The following ATXN1 variants were observed in gnomAD, a reference collection of about 807,000 sequenced individuals.
ATXN1 encodes the protein ataxin 1.
A neutral mutation model predicts 56.4 loss-of-function variants in ATXN1; 8 were observed. The observed-to-expected ratio is 0.14, with a 90% CI of 0.08 to 0.26. ATXN1 has a LOEUF of 0.26. ATXN1 is among the 10% of genes least tolerant of loss of function. The probability of loss-of-function intolerance (pLI) is 1.00; values close to 1 mark genes in which losing one functional copy is unlikely to be tolerated. For synonymous variants in ATXN1, 514 were observed against 494.6 expected (o/e 1.04, Z -0.52); for missense variants, 987 against 1,106.5 (o/e 0.89, Z 1.53).
At chr6:16,470,435 A>G (rs1760194949) in intron 6 of ATXN1, among the ~76,000 whole-genome samples, 2 of 152,330 alleles carry the variant, frequency 1.3e-5, no homozygotes, top group South Asian at 4.1e-4. Context: ...ATGTACAACT[A>G]TACACTTAAA....
chr6:16,713,129 G>A (rs1759561916), intron 2 of ATXN1, among the ~76,000 whole-genome samples: 1 of 152,180 alleles, frequency 6.6e-6, no homozygotes, highest in African/African-American at 2.4e-5. Context: ...GGCTGAAAAA[G>A]TAGATGCCAT....
chr6:16,715,812 G>A (rs1759627112), intron 2 of ATXN1, among the ~76,000 whole-genome samples: 2 of 152,142 alleles, frequency 1.3e-5, no homozygotes, highest in Admixed American at 1.3e-4. Context: ...AATGCCGTAA[G>A]TTTCCCAGTT....
At chr6:16,521,426 C>A (rs1477889725) in intron 5 of ATXN1, among the ~76,000 whole-genome samples, 2 of 152,178 alleles carry the variant, frequency 1.3e-5, no homozygotes, top group Non-Finnish European at 2.9e-5. Context: ...GGCATGGTGG[C>A]AGGCACCTGT....
At chr6:16,378,504 C>T (rs1581723941) in intron 6 of ATXN1, among the ~76,000 whole-genome samples, 1 of 152,110 alleles carries the variant, frequency 6.6e-6, no homozygotes, top group East Asian at 1.9e-4. Context: ...ATGAACAGTG[C>T]TCTTCCATTA....
intron 6 of ATXN1, among the ~76,000 whole-genome samples, chr6:16,340,269 T>C (rs934640143): frequency 6.6e-6 from 1 of 152,232 alleles, no homozygotes; most frequent in African/African-American, 2.4e-5. Flanking sequence ...GAGGAACTAA[T>C]AATGAAAGAT....
At chr6:16,672,437 G>C (rs559970433) in intron 2 of ATXN1, among the ~76,000 whole-genome samples, 1 of 152,272 alleles carries the variant, frequency 6.6e-6, no homozygotes, top group East Asian at 1.9e-4. Context: ...GTCTGTGGTA[G>C]GCACAACAAG....
intron 2 of ATXN1, among the ~76,000 whole-genome samples, chr6:16,661,053 G>T (rs1758310017): frequency 6.6e-6 from 1 of 151,604 alleles, no homozygotes; most frequent in African/African-American, 2.4e-5. Context: ...TGGCCAGGCT[G>T]GTCTTGAACT....
intron 2 of ATXN1, among the ~76,000 whole-genome samples, chr6:16,732,589 A>G (rs1760016011): frequency 6.6e-6 from 1 of 152,102 alleles, no homozygotes; most frequent in Admixed American, 6.6e-5. Context: ...ACAAAAAAAA[A>G]TCACTCCATT....
intron 6 of ATXN1, among the ~76,000 whole-genome samples, chr6:16,446,390 T>C (rs1581768431): frequency 6.6e-6 from 1 of 152,222 alleles, no homozygotes; most frequent in African/African-American, 2.4e-5. Context: ...CTTTGGTAAT[T>C]TGGCAGTGTT....
At chr6:16,351,911 G>A (rs1176258613) in intron 6 of ATXN1, among the ~76,000 whole-genome samples, 1 of 152,166 alleles carries the variant, frequency 6.6e-6, no homozygotes, top group Non-Finnish European at 1.5e-5. Context: ...GGGAAGTGAG[G>A]TCTCTCTTTC....
At chr6:16,347,757 C>T (rs915538516) in intron 6 of ATXN1, among the ~76,000 whole-genome samples, 1 of 152,198 alleles carries the variant, frequency 6.6e-6, no homozygotes, top group Non-Finnish European at 1.5e-5. Flanking sequence ...GACCACTGGG[C>T]TCTCTGTAAA....
chr6:16,531,951 G>C (rs1374085101), intron 4 of ATXN1, among the ~76,000 whole-genome samples: 1 of 152,134 alleles, frequency 6.6e-6, no homozygotes, highest in East Asian at 1.9e-4. Flanking sequence ...AACAGCCAAA[G>C]GTTGGCAAAC....
intron 2 of ATXN1, among the ~76,000 whole-genome samples, chr6:16,687,498 C>T (rs1220208315): frequency 6.6e-6 from 1 of 150,924 alleles, no homozygotes; most frequent in Non-Finnish European, 1.5e-5. Context: ...AGCAAAGTGC[C>T]TTGTGTCCGC....
chr6:16,444,538 C>G (rs1021034636), intron 6 of ATXN1, among the ~76,000 whole-genome samples: 1 of 152,152 alleles, frequency 6.6e-6, no homozygotes, highest in Admixed American at 6.5e-5. Context: ...AATTTACAGT[C>G]ATGCTTTCAA....
At chr6:16,323,726 G>T (rs1482600209) in intron 7 of ATXN1, among the ~76,000 whole-genome samples, 1 of 151,892 alleles carries the variant, frequency 6.6e-6, no homozygotes, top group Non-Finnish European at 1.5e-5. Flanking sequence ...ATGTGTTAAG[G>T]ATTCTAAGTA....
rs774113311 is a variant in ATXN1 at position 16,328,250 on chromosome 6, C to T, written c.61G>A (p.Ala21Thr). 16 of 1,544,146 alleles carry T rather than the reference C, an allele frequency of 1.0e-5. No homozygotes were observed. The highest frequency in any genetic ancestry group is 1.3e-5 in the Non-Finnish European group (15 of 1,147,054). ...TTCTCCTCGGAGGACCGGCTGGTGGCGGGGATCTCGCGCTTCTTGGGAGGC... is the reference window on the plus strand; with the variant it reads ...TTCTCCTCGGAGGACCGGCTGGTGGTGGGGATCTCGCGCTTCTTGGGAGGC... ...CLPPKKREIPATSRSSEEKAP... is the reference protein window; with the variant it reads ...CLPPKKREIPTTSRSSEEKAP... Residue 21 changes from alanine (A) to threonine (T), a missense_variant, in exon 7 of 8, where the codon GCC (alanine) becomes ACC (threonine). This residue lies in a region of ATXN1 where 723 missense variants were observed against 791.7 expected (regional missense o/e 0.91). Coordinates refer to ENST00000436367, the MANE Select transcript of ATXN1 (RefSeq NM_001128164.2). This position sits in a 1 kb window ranked among gnomAD's most constrained non-coding sequence, Gnocchi z 6.2.
chr6:16,408,464 T>C (rs1758730807), intron 6 of ATXN1, among the ~76,000 whole-genome samples: 1 of 149,820 alleles, frequency 6.7e-6, no homozygotes, highest in African/African-American at 2.5e-5. Context: ...CTTTCCTTCA[T>C]CAAGTGAGAA....
chr6:16,525,088 C>T (rs1308815707), intron 4 of ATXN1, among the ~76,000 whole-genome samples: 1 of 152,058 alleles, frequency 6.6e-6, no homozygotes, highest in African/African-American at 2.4e-5. Flanking sequence ...AATGTGAGTA[C>T]CTGTACTGTA....
intron 6 of ATXN1, among the ~76,000 whole-genome samples, chr6:16,392,966 G>A (rs1182698249): frequency 6.6e-6 from 1 of 152,190 alleles, no homozygotes; most frequent in Non-Finnish European, 1.5e-5. Context: ...CTTGAAATTT[G>A]ACAGTAACTC....
Sources: allele counts gnomAD v4.1 joint callset (sites outside exome capture counted in the v4.1 genomes callset), GRCh38; gene constraint gnomAD v4.1.1; regional missense constraint gnomAD v4.1.1; non-coding constraint Gnocchi (gnomAD v3.1); transcripts MANE v1.5; gene names NCBI Gene and HGNC (gene_info 2026-07-23, HGNC 2026-07-21).